The following RGS3 variants were observed in gnomAD, a reference collection of about 807,000 sequenced individuals.
RGS3 encodes regulator of G protein signaling 3.
RGS3 carries 80 observed loss-of-function variants against 132.6 expected under a neutral mutation model. That is an observed-to-expected ratio of 0.60 (90% CI 0.50 to 0.73). RGS3 has a LOEUF of 0.73. Ranked by LOEUF, RGS3 falls within the 30% of genes least tolerant of loss-of-function variation. The pLI, the probability that RGS3 is intolerant of heterozygous loss-of-function variation, is 0.00. For synonymous variants in RGS3, 598 were observed against 620.6 expected, an observed-to-expected ratio of 0.96 and a Z score of 0.54; for missense variants, 1,382 against 1,530.8, an observed-to-expected ratio of 0.90 and a Z score of 1.62.
chr9:113,508,519 T>C (rs1564504368), intron 13 of RGS3, 22 bp from the exon 12 acceptor site: 3 of 1,612,160 alleles, frequency 1.9e-6, no homozygotes, highest in Non-Finnish European at 2.5e-6. Flanking sequence ...GCTGAGGTGG[T>C]TTTCCTGTCT....
At chr9:113,513,489 T>C (rs1039991300) in intron 14 of RGS3, among the ~76,000 whole-genome samples, 3 of 152,180 alleles carry the variant, frequency 2.0e-5, no homozygotes, top group African/African-American at 7.2e-5. Context: ...CTTTTCCAAG[T>C]GGAGAAATCA....
exon 20 of RGS3, chr9:113,583,887 A>T: frequency 6.2e-7 from 1 of 1,614,058 alleles, no homozygotes; most frequent in Non-Finnish European, 8.5e-7. Flanking sequence ...TCTCCCTGCC[A>T]GCCAAGGCCC....
chr9:113,536,585 CA>C (rs1832686142), intron 18 of RGS3: 1 of 1,383,480 alleles, frequency 7.2e-7, no homozygotes. Flanking sequence ...TGTGGGCCCA[CA>C]GCTCGCCAGC....
chr9:113,531,732 A>C lies in RGS3; in HGVS notation c.1914+2468A>C, dbSNP rs181467193. On this transcript the variant is annotated intron_variant, in intron 18 of 24. Coordinates refer to ENST00000350696, the Ensembl canonical transcript of RGS3. ...GGAGGAGGCAGAAGACAAACAGTGA[A>C]TCTCTCCTCTCCCGAGACCTCCTGG... is the stretch of plus-strand genomic sequence containing the variant. 7.0e-3 allele frequency among the ~76,000 whole-genome samples: 1,069 copies of C among 152,246 alleles called. 37 individuals carry two copies. The highest frequency in any genetic ancestry group is 0.06 in the Admixed American group (914 of 15,292).
At chr9:113,474,610 C>T (rs7864816) in intron 3 of RGS3, among the ~76,000 whole-genome samples, 24,046 of 152,044 alleles carry the variant, frequency 0.16, 2,036 homozygotes, top group African/African-American at 0.2. Context: ...TCCTCATAAA[C>T]GGAGGGGAAA....
At chr9:113,471,603 C>T (rs944416045) in intron 3 of RGS3, among the ~76,000 whole-genome samples, 2 of 151,544 alleles carry the variant, frequency 1.3e-5, no homozygotes, top group Non-Finnish European at 2.9e-5. Context: ...TTCTGCCTCT[C>T]TCCCTCCTTT....
intron 7 of RGS3, among the ~76,000 whole-genome samples, chr9:113,494,492 A>G (rs886980798): frequency 2.0e-5 from 3 of 152,166 alleles, no homozygotes; most frequent in Admixed American, 6.5e-5. Context: ...TGTTGCTGCA[A>G]CTGCCTCCTG....
At chr9:113,544,252 T>C (rs1833015159) in intron 19 of RGS3, among the ~76,000 whole-genome samples, 3 of 152,102 alleles carry the variant, frequency 2.0e-5, no homozygotes, top group Admixed American at 2.0e-4. Flanking sequence ...TACAAAGTGA[T>C]TCTTTTAGTT....
intron 4 of RGS3, 78 bp downstream of exon 2, chr9:113,479,619 T>C: frequency 3.0e-6 from 4 of 1,337,016 alleles, no homozygotes; most frequent in Middle Eastern, 2.0e-4. Flanking sequence ...GGTTGGGGGA[T>C]GGTGGCACCA....
At chr9:113,512,785 G>C (rs1588181487) in intron 14 of RGS3, among the ~76,000 whole-genome samples, 1 of 152,208 alleles carries the variant, frequency 6.6e-6, no homozygotes, top group South Asian at 2.1e-4. Flanking sequence ...AAGGGGCCCA[G>C]GAGTGTGTGG....
At chr9:113,488,851 C>T (rs528308876) in intron 7 of RGS3, among the ~76,000 whole-genome samples, 147 of 152,304 alleles carry the variant, frequency 9.7e-4, no homozygotes, top group African/African-American at 2.0e-3. Context: ...TCTCCTTTAT[C>T]GATCCATTTC....
At position 113,535,064 on chromosome 9, in the gene RGS3, T is replaced by C. The variant is rs193160398; in HGVS notation, c.1915-1732T>C. ...TGTCTTTGCCCCTAACCTGAGAGCA[T>C]GGGCTTAGTCTGTCTCATTTACCTC... On this transcript the variant is annotated intron_variant, in intron 18 of 24. Transcript: ENST00000350696. 2.0e-5 allele frequency among the ~76,000 whole-genome samples: 3 copies of C among 152,328 alleles called. No individual in the cohort carries two copies. In the East Asian group the frequency reaches 5.8e-4, roughly 29 times the overall value.
At chr9:113,498,503 G>A (rs1830759197) in intron 10 of RGS3, among the ~76,000 whole-genome samples, 1 of 152,184 alleles carries the variant, frequency 6.6e-6, no homozygotes, top group Non-Finnish European at 1.5e-5. Flanking sequence ...CTCTATTAGG[G>A]CTTCAAGTCT....
intron 19 of RGS3, among the ~76,000 whole-genome samples, chr9:113,560,586 G>C (rs1312236727): frequency 1.3e-5 from 2 of 152,192 alleles, no homozygotes; most frequent in Non-Finnish European, 2.9e-5. Context: ...TTAGTTCCTA[G>C]TACCGGCTCC....
chr9:113,561,412 C>T (rs1478546535), intron 19 of RGS3, among the ~76,000 whole-genome samples: 1 of 151,420 alleles, frequency 6.6e-6, no homozygotes, highest in African/African-American at 2.4e-5. Flanking sequence ...CTCTCTCTCT[C>T]TCTCTGTCTC....
intron 3 of RGS3, among the ~76,000 whole-genome samples, chr9:113,466,894 G>A (rs1382476601): frequency 1.3e-5 from 2 of 151,924 alleles, no homozygotes; most frequent in Non-Finnish European, 2.9e-5. Context: ...CCCTTGTCCC[G>A]AGCCCAAAGC....
chr9:113,514,713 C>G lies in RGS3; in HGVS notation c.1674+59C>G, dbSNP rs1165835315. 1.9e-6 allele frequency: 3 copies of G among 1,554,154 alleles called. No individual in the cohort carries two copies. The African/African-American group carries it at 4.1e-5, about 21-fold the overall frequency. On this transcript the variant is annotated intron_variant, in intron 15 of 24. Transcript: ENST00000350696. The stretch of plus-strand genomic sequence containing the variant: ...GGAGGAACGGAGAAAGAGGAGGGCC[C>G]TTGCCCCAGGACTCAGGGATGATGA...
chr9:113,450,139 G>A (rs1314144415), intron 1 of RGS3, among the ~76,000 whole-genome samples: 6 of 151,764 alleles, frequency 4.0e-5, no homozygotes, highest in African/African-American at 1.2e-4. Context: ...CCGTGATCTC[G>A]GCTCACTGCA....
chr9:113,460,039 C>CA (rs879005762), upstream of RGS3, among the ~76,000 whole-genome samples: 15,618 of 112,046 alleles, frequency 0.14, 921 homozygotes, highest in Non-Finnish European at 0.16. Flanking sequence ...GAAACTCTCT[C>CA]AAAAAAAAAA....
Sources: gnomAD v4.1 joint callset for allele counts (sites outside exome capture counted in the v4.1 genomes callset) on GRCh38, gnomAD v4.1.1 for gene constraint, MANE v1.5 for transcripts, NCBI Gene and HGNC (gene_info 2026-07-23, HGNC 2026-07-21) for gene names.